Variants in AMPD3 observed in about 807,000 individuals in gnomAD.
AMPD3 encodes AMP deaminase 3.
A neutral mutation model predicts 82.3 loss-of-function variants in AMPD3; 57 were observed. The ratio of observed to expected loss-of-function variants is 0.69; its 90% CI spans 0.56 to 0.86. The LOEUF (loss-of-function observed/expected upper bound fraction) is 0.86. AMPD3 is among the 40% of genes least tolerant of loss of function. The probability of loss-of-function intolerance (pLI) is 0.00; values close to 1 mark genes in which losing one functional copy is unlikely to be tolerated. For missense variants in AMPD3, 870 were observed against 1,003.8 expected (o/e 0.87, Z 1.80); for synonymous variants, 381 against 394.7 (o/e 0.97, Z 0.41).
At chr11:10,470,856 G>T (rs1196031588) in intron 2 of AMPD3, among the ~76,000 whole-genome samples, 1 of 152,142 alleles carries the variant, frequency 6.6e-6, no homozygotes, top group Non-Finnish European at 1.5e-5. Flanking sequence ...TGGATAGGAA[G>T]AATCAATATC....
In AMPD3 at chr11:10,456,597, G is replaced by A. The variant is rs530137980; in HGVS notation, c.-6+1149G>A. ...GACACTTCTTCAAGTTCATCAGAGCGTGTTGCATGTAACAGTGAGATAAGC... is the reference window on the plus strand; with the variant it reads ...GACACTTCTTCAAGTTCATCAGAGCATGTTGCATGTAACAGTGAGATAAGC... On this transcript the variant is annotated intron_variant, in intron 1 of 14. Transcript: ENST00000396553. The surrounding 1 kb of genome is among the most constrained non-coding windows in gnomAD (Gnocchi z 4.3). 2.5e-5 allele frequency: 25 copies of A among 985,458 alleles called. 1 individual carries two copies. The highest frequency in any genetic ancestry group is 5.2e-4 in the Middle Eastern group (1 of 1,914). 61.0% of individuals were successfully genotyped at this position (985,458 alleles called of 1,614,324 possible).
At chr11:10,477,378 G>T (rs1355927935) in intron 2 of AMPD3, among the ~76,000 whole-genome samples, 1 of 152,210 alleles carries the variant, frequency 6.6e-6, no homozygotes, top group African/African-American at 2.4e-5. Context: ...GGATGGCACC[G>T]TGGGGAGGCC....
chr11:10,504,061 T>C, intron 13 of AMPD3: 12 of 971,036 alleles, frequency 1.2e-5, no homozygotes, highest in Non-Finnish European at 1.5e-5. Context: ...ACTTATCCTA[T>C]GATCACTTCT....
At position 10,493,499 on chromosome 11, in the gene AMPD3, A is replaced by G. The variant is rs979808372; in HGVS notation, c.1090A>G (p.Met364Val). Residue 364 changes from methionine to valine, a missense_variant, in exon 7 of 15, where the codon ATG becomes GTG. By Grantham distance (21) the Met-to-Val change is conservative. Transcript: ENST00000396553. Reference sequence around the variant, plus strand: ...GCGGCAGGTGTTTGACGGCCTGCACATGGACCCCTACGACCTCACTGTGGA... The same window carrying G: ...GCGGCAGGTGTTTGACGGCCTGCACGTGGACCCCTACGACCTCACTGTGGA... The part of the protein sequence containing the change: ...TLRQVFDGLH[M>V]DPYDLTVDSL... The G allele has an allele frequency of 1.2e-5, 19 of 1,614,106 alleles. No individual in the cohort carries two copies. Among genetic ancestry groups the G allele is most frequent in the Non-Finnish European group, 1.5e-5 (18 of 1,180,052 alleles).
chr11:10,463,763 C>A (rs1243174118), intron 2 of AMPD3, among the ~76,000 whole-genome samples: 1 of 152,198 alleles, frequency 6.6e-6, no homozygotes, highest in Non-Finnish European at 1.5e-5. Context: ...TCCAGAAATT[C>A]CCCTGCAAAC....
At chr11:10,488,432 C>T (rs146329220) in intron 6 of AMPD3, 57 of 984,378 alleles carry the variant, frequency 5.8e-5, no homozygotes, top group Non-Finnish European at 6.8e-5. Flanking sequence ...GGTAGAGGCA[C>T]GTGATGTGCA....
chr11:10,454,947 C>T (rs945242230), upstream of AMPD3, among the ~76,000 whole-genome samples: 14 of 151,854 alleles, frequency 9.2e-5, no homozygotes, highest in East Asian at 2.1e-3. Flanking sequence ...ACAGGTGGGC[C>T]GTAATCTCTG....
intron 2 of AMPD3, among the ~76,000 whole-genome samples, chr11:10,469,419 G>A (rs528695077): frequency 2.0e-3 from 311 of 152,188 alleles, no homozygotes; most frequent in African/African-American, 7.1e-3. Context: ...ATTCCTGGAT[G>A]CATACACTCT....
intron 1 of AMPD3, among the ~76,000 whole-genome samples, 161 bp downstream of exon 1, chr11:10,455,609 G>C (rs1848069918): frequency 6.6e-6 from 1 of 152,158 alleles, no homozygotes; most frequent in Non-Finnish European, 1.5e-5. Context: ...GAGTGGGATG[G>C]GGCTGTCAGC....
chr11:10,484,499 A>T (rs1160492064), intron 4 of AMPD3: 8 of 985,168 alleles, frequency 8.1e-6, no homozygotes, highest in African/African-American at 3.5e-5. Flanking sequence ...GTTAAATTTT[A>T]AAAAATTGTT....
At position 10,496,942 on chromosome 11, in the gene AMPD3, A is replaced by G. The variant is rs1849421375; in HGVS notation, c.1557+4A>G. 6.2e-7 allele frequency: 1 copy of G among 1,613,978 alleles called. No individual in the cohort carries two copies. The highest frequency in any genetic ancestry group is 8.5e-7 in the Non-Finnish European group (1 of 1,179,914). On this transcript the variant is annotated splice_donor_region_variant and intron_variant, in intron 10 of 14. Transcript: ENST00000396553. ...GCTTCACCTCTTCCTTAAATATGTA[A>G]GTGTGGGTGGTGCCCTAGGCAGGGC... is the stretch of plus-strand genomic sequence containing the variant.
At chr11:10,480,250 G>A (rs561519460) in intron 3 of AMPD3, among the ~76,000 whole-genome samples, 1 of 152,334 alleles carries the variant, frequency 6.6e-6, no homozygotes, top group South Asian at 2.1e-4. Context: ...GGGTCCACAG[G>A]GGTCCTGAGC....
At chr11:10,504,774 A>T in intron 14 of AMPD3, 115 bp downstream of exon 14, 1 of 969,480 alleles carries the variant, frequency 1.0e-6, no homozygotes, top group Non-Finnish European at 1.6e-6. Flanking sequence ...GGCCTCTGAG[A>T]CACTCAGGCA....
At chr11:10,500,421 T>A (rs1054406202) in intron 11 of AMPD3, among the ~76,000 whole-genome samples, 172 bp downstream of exon 11, 4 of 152,222 alleles carry the variant, frequency 2.6e-5, no homozygotes, top group Admixed American at 2.6e-4. Context: ...CAGCCTGCTA[T>A]ATGAGGCATG....
In AMPD3 at chr11:10,456,506, A is replaced by G. The variant is rs1054475262; in HGVS notation, c.-6+1058A>G. On this transcript the variant is annotated intron_variant, in intron 1 of 14. Coordinates refer to ENST00000396553, the MANE Select transcript of AMPD3 (RefSeq NM_001025389.2). The surrounding 1 kb of genome is among the most constrained non-coding windows in gnomAD (Gnocchi z 4.3). Reference sequence around the variant, plus strand: ...GGCACTGGGCTTCCTTTCTGGAGGGACTGTGGCACCATGAAAAGTTACTGT... The same window carrying G: ...GGCACTGGGCTTCCTTTCTGGAGGGGCTGTGGCACCATGAAAAGTTACTGT... The G allele has an allele frequency of 6.2e-7, 1 of 1,610,808 alleles. No homozygotes were observed. The highest frequency in any genetic ancestry group is 1.3e-5 in the African/African-American group (1 of 74,658).
intron 10 of AMPD3, chr11:10,499,276 C>A (rs111725732): frequency 0.097 from 14,788 of 152,602 alleles, 847 homozygotes; most frequent in South Asian, 0.25. Flanking sequence ...CAGGCTGGTG[C>A]GATCTCGGCT....
intron 5 of AMPD3, among the ~76,000 whole-genome samples, chr11:10,485,880 G>A (rs1849053546): frequency 6.6e-6 from 1 of 151,966 alleles, no homozygotes; most frequent in Admixed American, 6.6e-5. Flanking sequence ...AGGCTGATCA[G>A]TAATACCTGG....
intron 2 of AMPD3, among the ~76,000 whole-genome samples, chr11:10,468,547 T>G (rs1848489356): frequency 6.6e-6 from 1 of 152,172 alleles, no homozygotes; most frequent in Non-Finnish European, 1.5e-5. Context: ...ACAAAGAGAC[T>G]TAGACTCCCA....
At position 10,479,047 on chromosome 11, in the gene AMPD3, C is replaced by A. The variant is rs137996477; in HGVS notation, c.426+317C>A. Among the ~76,000 whole-genome samples the A allele has an allele frequency of 8.2e-4, 125 of 152,218 alleles. 1 individual carries two copies. The highest frequency in any genetic ancestry group is 2.9e-3 in the African/African-American group (121 of 41,536). On this transcript the variant is annotated intron_variant, in intron 3 of 14. Coordinates refer to ENST00000396553, the MANE Select transcript of AMPD3 (RefSeq NM_001025389.2). ...TCCCTGTAGCCTGTTGAGAAAGGTG[C>A]CAGCTTGGGCCTTTCAGTGTTGCCA...
Sources: allele counts gnomAD v4.1 joint callset (sites outside exome capture counted in the v4.1 genomes callset), GRCh38; gene constraint gnomAD v4.1.1; non-coding constraint Gnocchi (gnomAD v3.1); transcripts MANE v1.5; gene names NCBI Gene and HGNC (gene_info 2026-07-23, HGNC 2026-07-21).